Variants in AQR observed in about 807,000 individuals in gnomAD.
The protein encoded by AQR is aquarius intron-binding spliceosomal factor.
A neutral mutation model predicts 180.5 loss-of-function variants in AQR; 61 were observed. The ratio of observed to expected loss-of-function variants is 0.34; its 90% CI spans 0.28 to 0.42. AQR has a LOEUF of 0.42. Ranked by LOEUF, AQR falls within the 10% of genes least tolerant of loss-of-function variation. AQR has a pLI of 1.00. For missense variants in AQR, 1,281 were observed against 1,798.3 expected (o/e 0.71, Z 5.20); for synonymous variants, 551 against 588.8 (o/e 0.94, Z 0.93).
intron 26 of AQR, among the ~76,000 whole-genome samples, chr15:34,883,891 C>G (rs1266058219): frequency 6.6e-6 from 1 of 152,146 alleles, no homozygotes; most frequent in East Asian, 1.9e-4. Flanking sequence ...TAATCAGAAT[C>G]AATCATCCTG....
chr15:34,918,436 A>C lies in AQR; in HGVS notation c.1222-58T>G, dbSNP rs1595796901. ...TTAGAAGCATCTTTTTTCAATCAAA[A>C]TAATTTATGGAAGAAGTTTCATGCC... On this transcript the variant is annotated intron_variant, in intron 14 of 34. Transcript: ENST00000156471. 12 of 1,570,346 alleles carry C rather than the reference A, an allele frequency of 7.6e-6. No homozygotes were observed. The East Asian group carries it at 2.7e-4, about 35-fold the overall frequency.
chr15:34,906,796 C>A, intron 17 of AQR, 84 bp from the exon 18 acceptor site: 1 of 1,353,160 alleles, frequency 7.4e-7, no homozygotes, highest in Non-Finnish European at 1.0e-6. Context: ...TGCCTCTCTA[C>A]CTCTTATCTT....
intron 17 of AQR, 67 bp from the exon 18 acceptor site, chr15:34,906,779 T>G (rs1893425767): frequency 6.8e-7 from 1 of 1,481,128 alleles, no homozygotes; most frequent in African/African-American, 1.4e-5. Flanking sequence ...GTAGGCAAAT[T>G]CTTATTTGCC....
intron 24 of AQR, among the ~76,000 whole-genome samples, chr15:34,889,540 A>G (rs553317774): frequency 6.6e-6 from 1 of 152,390 alleles, no homozygotes; most frequent in African/African-American, 2.4e-5. Flanking sequence ...TACTAATGGC[A>G]GAAGAAATCC....
At chr15:34,969,083 G>A (rs2050329103) in intron 1 of AQR, among the ~76,000 whole-genome samples, 1 of 152,104 alleles carries the variant, frequency 6.6e-6, no homozygotes, top group East Asian at 1.9e-4. Context: ...CTATTTGGAG[G>A]TGTCTTGTCA....
intron 33 of AQR, among the ~76,000 whole-genome samples, chr15:34,861,879 G>T (rs1892676070): frequency 6.6e-6 from 1 of 151,954 alleles, no homozygotes; most frequent in South Asian, 2.1e-4. Context: ...TTTAGTAGGG[G>T]TGGAGGGAAG....
intron 7 of AQR, 31 bp downstream of exon 7, chr15:34,941,979 TAC>T: frequency 6.5e-7 from 1 of 1,541,040 alleles, no homozygotes; most frequent in Non-Finnish European, 8.9e-7. Flanking sequence ...TTATAACACA[TAC>T]ATTCATAAGA....
Position 34,948,171 on chromosome 15 carries a change from C to T in AQR, c.330+93G>A, listed in dbSNP as rs536905461. 65 of 1,419,684 alleles carry T rather than the reference C, an allele frequency of 4.6e-5. No individual in the cohort carries two copies. In the African/African-American group the frequency reaches 8.2e-4, roughly 18 times the overall value. The allele number at this position is 1,419,684 out of a possible 1,614,324, so 87.9% of individuals were successfully genotyped here. A position where few individuals can be genotyped will look rare whatever the true frequency, so the allele number is the denominator to read the frequency against. Reference sequence around the variant, plus strand: ...TGCTTTATTACTGGGTAAAGTTCTGCTCTAAAAGCACCACTATCAGTAAAA... The same window carrying T: ...TGCTTTATTACTGGGTAAAGTTCTGTTCTAAAAGCACCACTATCAGTAAAA... On this transcript the variant is annotated intron_variant, in intron 5 of 34. Transcript: ENST00000156471.
intron 1 of AQR, chr15:34,964,595 G>C: frequency 2.4e-6 from 1 of 422,474 alleles, no homozygotes; most frequent in South Asian, 2.2e-5. Flanking sequence ...AACATCTTCA[G>C]CATGGCAATA....
intron 9 of AQR, 62 bp downstream of exon 9, chr15:34,938,675 T>C: frequency 1.9e-6 from 2 of 1,069,704 alleles, no homozygotes; most frequent in Non-Finnish European, 2.8e-6. Context: ...TAGAGATGAG[T>C]AAATACCATA....
chr15:34,885,991 A>G (rs1893054281), intron 25 of AQR, among the ~76,000 whole-genome samples: 1 of 152,172 alleles, frequency 6.6e-6, no homozygotes, highest in Admixed American at 6.5e-5. Context: ...TTATTTGGCT[A>G]TTTCTCATTG....
At chr15:34,892,927 A>G (rs1893172533) in intron 23 of AQR, among the ~76,000 whole-genome samples, 1 of 152,232 alleles carries the variant, frequency 6.6e-6, no homozygotes, top group Non-Finnish European at 1.5e-5. Flanking sequence ...TAAAGTCAAA[A>G]TATTACAGGT....
At chr15:34,950,867 C>T (rs997529216) in intron 4 of AQR, among the ~76,000 whole-genome samples, 3 of 152,068 alleles carry the variant, frequency 2.0e-5, no homozygotes, top group African/African-American at 7.2e-5. Flanking sequence ...ACTGTTTCTG[C>T]CAGATGTCCC....
At chr15:34,912,650 A>G (rs1039991493) in intron 16 of AQR, among the ~76,000 whole-genome samples, 5 of 152,106 alleles carry the variant, frequency 3.3e-5, no homozygotes, top group African/African-American at 1.2e-4. Context: ...GAAGGAAAAA[A>G]AAAAACAAGC....
intron 24 of AQR, among the ~76,000 whole-genome samples, chr15:34,889,091 A>G (rs1893103060): frequency 6.6e-6 from 1 of 152,224 alleles, no homozygotes; most frequent in African/African-American, 2.4e-5. Flanking sequence ...CAAATATTCT[A>G]TTAGCACCTT....
chr15:34,934,956 G>A (rs1893923895), intron 9 of AQR, among the ~76,000 whole-genome samples: 2 of 152,020 alleles, frequency 1.3e-5, no homozygotes, highest in African/African-American at 4.8e-5. Flanking sequence ...AAAAAACTTA[G>A]AGATATAAAA....
At chr15:34,954,355 G>A (rs1432737070) in intron 3 of AQR, among the ~76,000 whole-genome samples, 1 of 151,754 alleles carries the variant, frequency 6.6e-6, no homozygotes, top group Non-Finnish European at 1.5e-5. Flanking sequence ...GCCCAGGCTA[G>A]AGTACAGTGG....
intron 23 of AQR, among the ~76,000 whole-genome samples, chr15:34,890,949 A>G (rs1893136449): frequency 6.6e-6 from 1 of 152,160 alleles, no homozygotes; most frequent in African/African-American, 2.4e-5. Flanking sequence ...CCGCAGTTAC[A>G]AGGTTTTACA....
intron 14 of AQR, among the ~76,000 whole-genome samples, chr15:34,918,838 C>T (rs992951163): frequency 6.6e-6 from 1 of 152,240 alleles, no homozygotes; most frequent in African/African-American, 2.4e-5. Context: ...ACTAGCTATA[C>T]CATCTGGGAA....
Sources: allele counts gnomAD v4.1 joint callset (sites outside exome capture counted in the v4.1 genomes callset), GRCh38; gene constraint gnomAD v4.1.1; transcripts MANE v1.5; gene names NCBI Gene and HGNC (gene_info 2026-07-23, HGNC 2026-07-21).